Variants in PHLDB2 observed in about 807,000 individuals in gnomAD.
The protein encoded by PHLDB2 is pleckstrin homology like domain family B member 2.
Under a neutral mutation model 123.6 loss-of-function variants are expected in PHLDB2, and 71 were observed. The observed-to-expected ratio is 0.57, with a 90% CI of 0.47 to 0.70. The LOEUF (loss-of-function observed/expected upper bound fraction) is 0.70. Ranked by LOEUF, PHLDB2 falls within the 30% of genes least tolerant of loss-of-function variation. The probability of loss-of-function intolerance (pLI) is 0.00; values close to 1 mark genes in which losing one functional copy is unlikely to be tolerated. For synonymous variants in PHLDB2, 547 were observed against 541.6 expected (o/e 1.01, Z -0.14); for missense variants, 1,446 against 1,519.5 (o/e 0.95, Z 0.80).
At chr3:111,858,270 A>G (rs1327493261), upstream of PHLDB2, among the ~76,000 whole-genome samples, 1 of 151,652 alleles carries the variant, frequency 6.6e-6, no homozygotes, top group African/African-American at 2.4e-5. Flanking sequence ...ATATGGACCC[A>G]GGGAGGGGAA....
chr3:111,935,406 C>A (rs1052830276), intron 6 of PHLDB2, among the ~76,000 whole-genome samples: 1 of 152,040 alleles, frequency 6.6e-6, no homozygotes, highest in African/African-American at 2.4e-5. Flanking sequence ...AGTCATTCAA[C>A]TTCTATGGGC....
intron 5 of PHLDB2, among the ~76,000 whole-genome samples, chr3:111,930,125 G>T (rs776514628): frequency 3.3e-5 from 5 of 151,496 alleles, no homozygotes; most frequent in Non-Finnish European, 5.9e-5. Flanking sequence ...TGTTAGCCAG[G>T]ATGGTCTCGA....
intron 1 of PHLDB2, among the ~76,000 whole-genome samples, chr3:111,819,052 G>A (rs2062237324): frequency 6.6e-6 from 1 of 152,158 alleles, no homozygotes. Context: ...ATCTGGTAAG[G>A]ACACTCTTCC....
chr3:111,939,266 CTG>C (rs2069712448), intron 6 of PHLDB2, among the ~76,000 whole-genome samples: 1 of 152,180 alleles, frequency 6.6e-6, no homozygotes, highest in Non-Finnish European at 1.5e-5. Flanking sequence ...AAGTCTAAAA[CTG>C]AGGGTGAAAT....
chr3:111,786,632 TC>T (rs2108151879), intron 1 of PHLDB2, among the ~76,000 whole-genome samples: 1 of 152,276 alleles, frequency 6.6e-6, no homozygotes, highest in South Asian at 2.1e-4. Context: ...AGACAGAGCA[TC>T]GGCAACTTAG....
At chr3:111,779,989 T>C (rs1343967235) in intron 1 of PHLDB2, 2 of 487,858 alleles carry the variant, frequency 4.1e-6, no homozygotes, top group African/African-American at 2.1e-5. Flanking sequence ...GACATGTGTC[T>C]ATTCACAAAA....
chr3:111,750,784 A>G (rs2059756290), intron 1 of PHLDB2, among the ~76,000 whole-genome samples: 1 of 152,024 alleles, frequency 6.6e-6, no homozygotes, highest in Non-Finnish European at 1.5e-5. Context: ...CACCTCTACT[A>G]AAAATACAAA....
chr3:111,892,861 G>T (rs2066581880), intron 2 of PHLDB2, among the ~76,000 whole-genome samples: 1 of 152,008 alleles, frequency 6.6e-6, no homozygotes, highest in African/African-American at 2.4e-5. Flanking sequence ...AAGGATTTTT[G>T]GTATTTTATA....
intron 1 of PHLDB2, among the ~76,000 whole-genome samples, chr3:111,861,894 A>G (rs930634086): frequency 1.3e-5 from 2 of 152,200 alleles, no homozygotes; most frequent in Admixed American, 6.5e-5. Context: ...TCTCGAGTTC[A>G]TTGGAGAAGT....
chr3:111,972,505 T>A (rs1348426485), intron 16 of PHLDB2, among the ~76,000 whole-genome samples: 1 of 148,826 alleles, frequency 6.7e-6, no homozygotes, highest in Non-Finnish European at 1.5e-5. Flanking sequence ...GTAAGTCTCT[T>A]TATCATTACA....
At chr3:111,896,756 CAA>C (rs71625223) in intron 2 of PHLDB2, among the ~76,000 whole-genome samples, 12 of 130,032 alleles carry the variant, frequency 9.2e-5, no homozygotes, top group African/African-American at 1.6e-4. Flanking sequence ...ATTGATTTTT[CAA>C]AAAAAAAAAA....
chr3:111,766,180 C>A (rs569437475), intron 1 of PHLDB2, among the ~76,000 whole-genome samples: 1 of 152,266 alleles, frequency 6.6e-6, no homozygotes, highest in South Asian at 2.1e-4. Context: ...ATGTCTTATG[C>A]CTGTGATCCC....
chr3:111,939,711 A>G (rs1273798659), intron 7 of PHLDB2, 81 bp downstream of exon 7: 2 of 1,374,702 alleles, frequency 1.5e-6, no homozygotes, highest in Non-Finnish European at 9.9e-7. Flanking sequence ...GTCTGTCTGA[A>G]TATCACATTT....
chr3:111,858,752 C>T (rs142024698), upstream of PHLDB2, among the ~76,000 whole-genome samples: 1 of 152,258 alleles, frequency 6.6e-6, no homozygotes, highest in African/African-American at 2.4e-5. Context: ...GTAGTTTGCG[C>T]TTCGTTGTGC....
intron 1 of PHLDB2, among the ~76,000 whole-genome samples, chr3:111,767,794 G>A (rs2060108199): frequency 6.6e-6 from 1 of 152,170 alleles, no homozygotes; most frequent in African/African-American, 2.4e-5. Context: ...TGGAAAATAT[G>A]TTTTGTTGTA....
At chr3:111,806,075 C>G (rs1275756973) in intron 1 of PHLDB2, among the ~76,000 whole-genome samples, 1 of 152,048 alleles carries the variant, frequency 6.6e-6, no homozygotes, top group Non-Finnish European at 1.5e-5. Context: ...TTCAAGTTAT[C>G]TGCTGTGAAA....
intron 8 of PHLDB2, among the ~76,000 whole-genome samples, chr3:111,941,480 T>C (rs2069880055): frequency 6.6e-6 from 1 of 151,982 alleles, no homozygotes; most frequent in Non-Finnish European, 1.5e-5. Context: ...AATAAATGAG[T>C]ATTCATTCCC....
At chr3:111,880,167 A>G (rs1330954784) in intron 1 of PHLDB2, among the ~76,000 whole-genome samples, 6 of 152,180 alleles carry the variant, frequency 3.9e-5, no homozygotes, top group South Asian at 2.1e-4. Flanking sequence ...GGTGTTGTCA[A>G]TAGGGTAATA....
chr3:111,738,249 A>G (rs1028068173), intron 1 of PHLDB2, among the ~76,000 whole-genome samples: 2 of 152,146 alleles, frequency 1.3e-5, no homozygotes, highest in African/African-American at 4.8e-5. Context: ...TAAGAATAGT[A>G]TTGTTATAGA....
Sources: allele counts gnomAD v4.1 joint callset (sites outside exome capture counted in the v4.1 genomes callset), GRCh38; gene constraint gnomAD v4.1.1; transcripts MANE v1.5; gene names NCBI Gene and HGNC (gene_info 2026-07-23, HGNC 2026-07-21).